The following ANK3 variants were observed in gnomAD, a reference collection of about 807,000 sequenced individuals.
ANK3 encodes the protein ankyrin-3.
ANK3 carries 57 observed loss-of-function variants against 370.9 expected under a neutral mutation model. That is an observed-to-expected ratio of 0.15 (90% CI 0.12 to 0.19). ANK3 has a LOEUF of 0.19. ANK3 is among the 10% of genes least tolerant of loss of function. The probability of loss-of-function intolerance (pLI) is 1.00; values close to 1 mark genes in which losing one functional copy is unlikely to be tolerated. For synonymous variants in ANK3, 1,929 were observed against 1,946.3 expected (o/e 0.99, Z 0.23); for missense variants, 4,439 against 5,302.1 (o/e 0.84, Z 5.06).
intron 2 of ANK3, among the ~76,000 whole-genome samples, chr10:60,599,776 T>C (rs1221245763): frequency 6.6e-6 from 1 of 152,184 alleles, no homozygotes; most frequent in Non-Finnish European, 1.5e-5. Flanking sequence ...CCCTCTCCTC[T>C]GATTAAAGCC....
chr10:60,261,797 G>A (rs548383157), intron 7 of ANK3, 62 bp downstream of exon 7: 2 of 1,455,200 alleles, frequency 1.4e-6, no homozygotes, highest in African/African-American at 2.8e-5. Flanking sequence ...CTCATGTTGG[G>A]GAAAGAGAGT....
intron 26 of ANK3, 93 bp from the exon 27 acceptor site, chr10:60,109,147 G>A (rs147004388): frequency 6.4e-5 from 59 of 925,642 alleles, no homozygotes; most frequent in Middle Eastern, 6.7e-4. Flanking sequence ...TATTTAAAGC[G>A]ACAGACAATG....
Position 60,069,520 on chromosome 10 carries a change from A to G in ANK3, c.11361T>C (p.Asn3787=). 1 of 1,613,358 alleles carries G rather than the reference A, an allele frequency of 6.2e-7. No individual in the cohort carries two copies. The highest frequency in any genetic ancestry group is 8.5e-7 in the Non-Finnish European group (1 of 1,179,834). ...TGGAAGAATCCAAATTGTTGTTGTT[A>G]TTAAAGTTATCTTTTTGAAAATCAT... ...EKHDFQKDNF[N]NNNNLDSSTI... is the part of the protein sequence containing the mutation. Residue 3787 remains asparagine (N), a synonymous_variant, in exon 37 of 44, where the codon AAT becomes AAC. Transcript: ENST00000280772.
chr10:60,705,683 G>A (rs1339314484), intron 1 of ANK3, among the ~76,000 whole-genome samples: 3 of 151,964 alleles, frequency 2.0e-5, no homozygotes, highest in Non-Finnish European at 2.9e-5. Flanking sequence ...CCCCCTTCAA[G>A]CAAGCAGCAT....
chr10:60,091,116 C>A (rs755765489), intron 28 of ANK3, among the ~76,000 whole-genome samples: 4 of 152,090 alleles, frequency 2.6e-5, no homozygotes, highest in Non-Finnish European at 5.9e-5. Flanking sequence ...TGTTGGCCAG[C>A]CTGGTCTCAA....
upstream of ANK3, among the ~76,000 whole-genome samples, chr10:60,393,043 C>T (rs1396118267): frequency 6.6e-6 from 1 of 152,144 alleles, no homozygotes; most frequent in African/African-American, 2.4e-5. Flanking sequence ...TTATAAAAGT[C>T]CCAGGTACAA....
chr10:60,398,239 C>T (rs1366191841), intron 2 of ANK3, among the ~76,000 whole-genome samples: 2 of 152,260 alleles, frequency 1.3e-5, no homozygotes, highest in Non-Finnish European at 2.9e-5. Flanking sequence ...TTCTTTCTAA[C>T]CATTTAAAAT....
intron 4 of ANK3, among the ~76,000 whole-genome samples, chr10:60,275,249 G>A (rs1424734004): frequency 6.6e-6 from 1 of 152,190 alleles, no homozygotes; most frequent in Admixed American, 6.5e-5. Context: ...TTTGAAGTCT[G>A]ATTTTATCCA....
At chr10:60,707,958 G>T (rs2079643876) in intron 1 of ANK3, among the ~76,000 whole-genome samples, 1 of 152,164 alleles carries the variant, frequency 6.6e-6, no homozygotes, top group African/African-American at 2.4e-5. Context: ...TCCTGCTAGT[G>T]CGCTTCCCGC....
At chr10:60,584,809 T>G (rs142103352) in intron 2 of ANK3, among the ~76,000 whole-genome samples, 34 of 152,262 alleles carry the variant, frequency 2.2e-4, no homozygotes, top group African/African-American at 7.5e-4. Context: ...CAGTTAGACT[T>G]AGACATTCCC....
At chr10:60,289,979 AT>A (rs142846598) in intron 1 of ANK3, among the ~76,000 whole-genome samples, 31 of 151,576 alleles carry the variant, frequency 2.0e-4, no homozygotes, top group African/African-American at 7.3e-4. Context: ...CAAAGGGTGG[AT>A]TTTTTTTTCC....
rs575574724 is a variant in ANK3, at chr10:60,540,947, A to G, written c.96+74239T>C. Among the ~76,000 whole-genome samples, 4 of 152,084 alleles carry G rather than the reference A, an allele frequency of 2.6e-5. No homozygotes were observed. In the South Asian group the frequency reaches 6.2e-4, roughly 24 times the overall value. ...AGCATGTATAAAGATATTTATTACT[A>G]TAGTATCATCTAAGTGAAAAATTGG... On this transcript the variant is annotated intron_variant, in intron 2 of 43. Coordinates refer to the ANK3 transcript ENST00000373827.
intron 1 of ANK3, among the ~76,000 whole-genome samples, chr10:60,336,365 C>T (rs1444601415): frequency 1.3e-5 from 2 of 152,056 alleles, no homozygotes; most frequent in Non-Finnish European, 2.9e-5. Context: ...ATAACGTACC[C>T]CTCAATTCAG....
intron 2 of ANK3, among the ~76,000 whole-genome samples, chr10:60,590,971 A>T (rs1380805823): frequency 6.6e-6 from 1 of 152,196 alleles, no homozygotes; most frequent in Non-Finnish European, 1.5e-5. Context: ...GTAGTTAATG[A>T]CATTGAAGAC....
intron 2 of ANK3, among the ~76,000 whole-genome samples, chr10:60,521,951 T>C (rs1595198066): frequency 6.6e-6 from 1 of 152,174 alleles, no homozygotes; most frequent in South Asian, 2.1e-4. Context: ...AATTTAAGCA[T>C]GGAGGGATGG....
chr10:60,082,260 G>A, intron 34 of ANK3, 84 bp from the exon 35 acceptor site: 3 of 1,206,158 alleles, frequency 2.5e-6, no homozygotes, highest in Non-Finnish European at 3.6e-6. Flanking sequence ...GAAAAGGACT[G>A]AGTAGGGAGC....
chr10:60,400,546 A>G (rs1021855744), intron 2 of ANK3, among the ~76,000 whole-genome samples: 3 of 152,170 alleles, frequency 2.0e-5, no homozygotes, highest in Non-Finnish European at 4.4e-5. Flanking sequence ...AGTCTTGGGG[A>G]TAAGCAGATC....
intron 1 of ANK3, among the ~76,000 whole-genome samples, chr10:60,305,741 C>T (rs960229878): frequency 6.6e-6 from 1 of 152,120 alleles, no homozygotes; most frequent in African/African-American, 2.4e-5. Flanking sequence ...CTGGCCAGGA[C>T]ATTTTGTTTC....
Position 60,056,869 on chromosome 10 carries a change from T to C in ANK3, c.12687-833A>G, listed in dbSNP as rs188961160. On this transcript the variant is annotated intron_variant, in intron 41 of 43. Coordinates refer to ENST00000280772, the MANE Select transcript of ANK3 (RefSeq NM_020987.5). The stretch of plus-strand genomic sequence containing the variant: ...TAAAACCATGTCTCTACCAAAAAAC[T>C]ACAAAAATTAGTGGGCACAGTGGTG... 4.1e-3 allele frequency among the ~76,000 whole-genome samples: 625 copies of C among 152,146 alleles called. 1 individual carries two copies. Among genetic ancestry groups the C allele is most frequent in the Middle Eastern group, 0.014 (4 of 294 alleles).
Sources: allele counts gnomAD v4.1 joint callset (sites outside exome capture counted in the v4.1 genomes callset), GRCh38; gene constraint gnomAD v4.1.1; transcripts MANE v1.5; gene names NCBI Gene and HGNC (gene_info 2026-07-23, HGNC 2026-07-21).